The following PAK4 variants were observed in gnomAD, a reference collection of about 807,000 sequenced individuals.
PAK4 encodes the protein serine/threonine-protein kinase PAK 4.
In PAK4, 49 loss-of-function variants were observed where a neutral mutation model predicts 53.5. The ratio of observed to expected loss-of-function variants is 0.92; its 90% CI spans 0.73 to 1.16. The LOEUF is 1.16. Among genes scored for constraint, PAK4 ranks in the 50% most tolerant of loss-of-function variants. The pLI is 0.00. For synonymous variants in PAK4, 376 were observed against 375.6 expected (o/e 1.00, Z -0.01); for missense variants, 824 against 850.7 (o/e 0.97, Z 0.39).
chr19:39,134,046 C>G (rs978714010), intron 1 of PAK4, among the ~76,000 whole-genome samples: 1 of 152,202 alleles, frequency 6.6e-6, no homozygotes, highest in African/African-American at 2.4e-5. Context: ...GTCCTTCTCT[C>G]CCGAGGAACC....
intron 1 of PAK4, among the ~76,000 whole-genome samples, chr19:39,165,861 C>T (rs1438708149): frequency 6.6e-6 from 1 of 152,240 alleles, no homozygotes; most frequent in Non-Finnish European, 1.5e-5. Context: ...GTCTGGTGTC[C>T]ACTCTGCCAC....
intron 1 of PAK4, among the ~76,000 whole-genome samples, chr19:39,138,296 G>T (rs1397610094): frequency 6.6e-6 from 1 of 151,964 alleles, no homozygotes; most frequent in Non-Finnish European, 1.5e-5. Flanking sequence ...CAAGCCAGCT[G>T]CCCGCCTCAG....
At chr19:39,148,952 C>G (rs1431917429) in intron 1 of PAK4, among the ~76,000 whole-genome samples, 1 of 152,092 alleles carries the variant, frequency 6.6e-6, no homozygotes, top group Non-Finnish European at 1.5e-5. Flanking sequence ...AGGCTTCTTT[C>G]ACAAGAATCA....
intron 1 of PAK4, among the ~76,000 whole-genome samples, chr19:39,129,950 C>T (rs988306515): frequency 6.6e-6 from 1 of 152,078 alleles, no homozygotes; most frequent in African/African-American, 2.4e-5. Flanking sequence ...CTGTTGGTCC[C>T]AGTGGTAACC....
intron 1 of PAK4, among the ~76,000 whole-genome samples, chr19:39,144,141 C>T (rs147176012): frequency 0.032 from 4,563 of 144,004 alleles, 82 homozygotes; most frequent in African/African-American, 0.047. Context: ...GACAGACAGA[C>T]AGATAGATAG....
At chr19:39,128,652 G>A (rs923804692) in intron 1 of PAK4, among the ~76,000 whole-genome samples, 4 of 152,200 alleles carry the variant, frequency 2.6e-5, no homozygotes, top group Non-Finnish European at 5.9e-5. Context: ...CATGCATCCG[G>A]CCATCGTCTG....
downstream of PAK4, chr19:39,182,010 G>A (rs753218463): frequency 6.6e-6 from 1 of 152,198 alleles, no homozygotes; most frequent in African/African-American, 2.4e-5. Context: ...GATGCTGGTG[G>A]GGCCCAGTGA....
At chr19:39,131,999 C>T (rs989178084) in intron 1 of PAK4, among the ~76,000 whole-genome samples, 6 of 152,188 alleles carry the variant, frequency 3.9e-5, no homozygotes, top group Admixed American at 2.6e-4. Flanking sequence ...GAACTTGGTG[C>T]GTTCGATGGT....
chr19:39,169,908 G>T, intron 2 of PAK4, 151 bp downstream of exon 3: 1 of 650,614 alleles, frequency 1.5e-6, no homozygotes, highest in Admixed American at 2.9e-5. Flanking sequence ...CCTGGGTCCA[G>T]TGCTGGCCTT....
At chr19:39,143,649 A>G (rs1293568292) in intron 1 of PAK4, among the ~76,000 whole-genome samples, 1 of 150,314 alleles carries the variant, frequency 6.7e-6, no homozygotes, top group Non-Finnish European at 1.5e-5. Context: ...TGAATGAATA[A>G]AAGAAAGAAA....
At chr19:39,143,770 A>G (rs1043976082) in intron 1 of PAK4, among the ~76,000 whole-genome samples, 7 of 151,806 alleles carry the variant, frequency 4.6e-5, no homozygotes, top group Non-Finnish European at 8.8e-5. Context: ...CCTCTGCTCT[A>G]CAAAACATTT....
chr19:39,151,811 C>T (rs2074098142), intron 1 of PAK4, among the ~76,000 whole-genome samples: 1 of 152,248 alleles, frequency 6.6e-6, no homozygotes, highest in South Asian at 2.1e-4. Context: ...CTCTGTCACC[C>T]AGGCTGGAGT....
At chr19:39,134,335 G>T (rs140434205) in intron 1 of PAK4, among the ~76,000 whole-genome samples, 1 of 152,154 alleles carries the variant, frequency 6.6e-6, no homozygotes, top group Non-Finnish European at 1.5e-5. Context: ...CCCAAAAGCC[G>T]CCTGCCCATA....
chr19:39,126,590 T>C (rs1281075126), intron 1 of PAK4, among the ~76,000 whole-genome samples: 6 of 152,058 alleles, frequency 3.9e-5, no homozygotes, highest in Non-Finnish European at 7.4e-5. Context: ...GCTTATTCAG[T>C]CCTCACTATA....
intron 1 of PAK4, among the ~76,000 whole-genome samples, chr19:39,141,930 T>G (rs1210181617): frequency 6.6e-6 from 1 of 152,208 alleles, no homozygotes; most frequent in Admixed American, 6.5e-5. Context: ...CCCGGCCCAT[T>G]TGTTTGATTT....
At position 39,173,574 on chromosome 19, in the gene PAK4, A is replaced by C; in HGVS notation, c.664-2A>C. 6.6e-7 allele frequency: 1 copy of C among 1,518,908 alleles called. No homozygotes were observed. The highest frequency in any genetic ancestry group is 2.3e-5 in the East Asian group (1 of 43,998). 94.1% of individuals were successfully genotyped at this position (1,518,908 alleles called of 1,614,324 possible). A position where few individuals can be genotyped will look rare whatever the true frequency, so the allele number is the denominator to read the frequency against. ...CTGACAGCTACCTCTCTTCTGTTTC[A>C]GGGGGAGCCTCATGACGTGGCCCCT... On this transcript the variant is annotated splice_acceptor_variant, in intron 3 of 8. Coordinates refer to ENST00000358301, the Ensembl canonical transcript of PAK4. LOFTEE classifies it high-confidence loss of function. The surrounding 1 kb of genome is among the most constrained non-coding windows in gnomAD (Gnocchi z 6.9).
intron 1 of PAK4, among the ~76,000 whole-genome samples, chr19:39,165,857 T>A (rs949047489): frequency 2.0e-4 from 30 of 152,228 alleles, no homozygotes; most frequent in African/African-American, 7.2e-4. Context: ...TGGAGTCTGG[T>A]GTCCACTCTG....
In PAK4 at chr19:39,127,951, C is replaced by G. The variant is rs77420121; in HGVS notation, c.-23+2032C>G. On this transcript the variant is annotated intron_variant, in intron 1 of 8. Transcript: ENST00000358301. The stretch of plus-strand genomic sequence containing the variant: ...GTTGGGGATCTGGGCAACACGTAGC[C>G]TGTGCAGGTTCAGGGCAAGACGCTG... Among the ~76,000 whole-genome samples, 1,141 of 152,220 alleles carry G rather than the reference C, an allele frequency of 7.5e-3. 19 individuals are homozygous for G. The highest frequency in any genetic ancestry group is 0.025 in the African/African-American group (1,056 of 41,516).
rs765546880 is a variant in PAK4, at chr19:39,175,363, G to A, written c.1284G>A (p.Leu428=). The A allele has an allele frequency of 3.7e-6, 6 of 1,605,910 alleles. No individual in the cohort carries two copies. Among genetic ancestry groups the A allele is most frequent in the Non-Finnish European group, 5.1e-6 (6 of 1,177,110 alleles). The change falls in exon 6 of 9, where the codon CTG becomes CTA. Residue 428 remains leucine, a synonymous_variant. Coordinates refer to ENST00000358301, the Ensembl canonical transcript of PAK4. This position sits in a 1 kb window ranked among gnomAD's most constrained non-coding sequence, Gnocchi z 4.7. The stretch of plus-strand genomic sequence containing the variant: ...TGTGCCTTGCAGTGCTGCAGGCCCT[G>A]TCGGTGCTCCACGCCCAGGGCGTCA...
Sources: gnomAD v4.1 joint callset for allele counts (sites outside exome capture counted in the v4.1 genomes callset) on GRCh38, gnomAD v4.1.1 for gene constraint, Gnocchi (gnomAD v3.1) non-coding constraint, MANE v1.5 for transcripts, NCBI Gene and HGNC (gene_info 2026-07-23, HGNC 2026-07-21) for gene names.